EPHA6: variants seen among roughly 807,000 people sequenced by gnomAD.
The protein encoded by EPHA6 is ephrin type-A receptor 6.
EPHA6 carries 50 observed loss-of-function variants against 112.0 expected under a neutral mutation model. That is an observed-to-expected ratio of 0.45 (90% CI 0.36 to 0.56). EPHA6 has a LOEUF of 0.56. Among genes scored for constraint, EPHA6 ranks in the 20% least tolerant of loss-of-function variants. The probability of loss-of-function intolerance (pLI) is 0.00; values close to 1 mark genes in which losing one functional copy is unlikely to be tolerated. For synonymous variants in EPHA6, 529 were observed against 490.7 expected, an observed-to-expected ratio of 1.08 and a Z score of -1.03; for missense variants, 1,280 against 1,417.4, an observed-to-expected ratio of 0.90 and a Z score of 1.56.
intron 8 of EPHA6, among the ~76,000 whole-genome samples, chr3:97,478,331 C>T (rs1210448582): frequency 6.6e-6 from 1 of 151,994 alleles, no homozygotes; most frequent in East Asian, 1.9e-4. Context: ...ATGACAAACA[C>T]AAAAGAAAAC....
chr3:96,889,167 G>A (rs2037809933), intron 2 of EPHA6, among the ~76,000 whole-genome samples: 1 of 152,056 alleles, frequency 6.6e-6, no homozygotes, highest in South Asian at 2.1e-4. Flanking sequence ...TCAACATTTT[G>A]GACAAAGCCT....
At chr3:97,184,796 G>A (rs574187192) in intron 3 of EPHA6, among the ~76,000 whole-genome samples, 7 of 152,062 alleles carry the variant, frequency 4.6e-5, no homozygotes, top group African/African-American at 7.2e-5. Flanking sequence ...GAGGCATCAC[G>A]CTACCTGACT....
At chr3:97,018,844 C>T (rs1211432767) in intron 3 of EPHA6, among the ~76,000 whole-genome samples, 3 of 152,094 alleles carry the variant, frequency 2.0e-5, no homozygotes, top group Non-Finnish European at 4.4e-5. Context: ...TGCTAAGTAG[C>T]GGGTGTTTTT....
intron 5 of EPHA6, among the ~76,000 whole-genome samples, chr3:97,376,110 C>T (rs1454218751): frequency 6.6e-6 from 1 of 152,096 alleles, no homozygotes; most frequent in Non-Finnish European, 1.5e-5. Context: ...CAAAATTATA[C>T]TTATATTCCA....
intron 5 of EPHA6, among the ~76,000 whole-genome samples, chr3:97,260,251 G>C (rs2079457771): frequency 6.6e-6 from 1 of 152,218 alleles, no homozygotes; most frequent in South Asian, 2.1e-4. Flanking sequence ...TGCCCTAACA[G>C]AGTGTGGAGC....
chr3:97,071,018 A>T (rs1014293297), intron 3 of EPHA6, among the ~76,000 whole-genome samples: 1 of 152,118 alleles, frequency 6.6e-6, no homozygotes, highest in African/African-American at 2.4e-5. Context: ...CATTTTCCCC[A>T]AAGTATCCCA....
intron 10 of EPHA6, among the ~76,000 whole-genome samples, chr3:97,495,882 C>G (rs1465349861): frequency 6.6e-6 from 1 of 152,132 alleles, no homozygotes; most frequent in African/African-American, 2.4e-5. Flanking sequence ...AACTGCCACT[C>G]TGAAGTTTAA....
intron 16 of EPHA6, chr3:97,745,617 A>C: frequency 5.4e-6 from 1 of 183,746 alleles, no homozygotes; most frequent in South Asian, 8.9e-5. Context: ...ATACAACCCC[A>C]CCCTGTAATC....
Position 97,448,554 on chromosome 3 carries a change from T to C in EPHA6, c.1732-14T>C, listed in dbSNP as rs776290115. On this transcript the variant is annotated splice_polypyrimidine_tract_variant and intron_variant, in intron 6 of 17. Coordinates refer to ENST00000389672, the MANE Select transcript of EPHA6 (RefSeq NM_001080448.3). Reference sequence around the variant, plus strand: ...TCTGTTTCATTTCCTTTCTCCTTTTTTTCTGTCCCCCAGGAACATGAGCAG... The same window carrying C: ...TCTGTTTCATTTCCTTTCTCCTTTTCTTCTGTCCCCCAGGAACATGAGCAG... 2.5e-6 allele frequency: 4 copies of C among 1,612,396 alleles called. No individual in the cohort carries two copies. Among genetic ancestry groups the C allele is most frequent in the South Asian group, 1.1e-5 (1 of 90,952 alleles).
At chr3:97,296,686 G>A (rs531893631) in intron 5 of EPHA6, among the ~76,000 whole-genome samples, 1 of 152,220 alleles carries the variant, frequency 6.6e-6, no homozygotes, top group African/African-American at 2.4e-5. Flanking sequence ...GTGTACCATG[G>A]CCCTGTTGTG....
chr3:97,498,011 A>C (rs1410212422), intron 10 of EPHA6, among the ~76,000 whole-genome samples: 1 of 152,034 alleles, frequency 6.6e-6, no homozygotes, highest in Non-Finnish European at 1.5e-5. Flanking sequence ...GACTGAGGTT[A>C]AAACAAACAA....
rs2107936319 is a variant in EPHA6, at chr3:97,757,045, T to C, written c.*8344T>C. Among the ~76,000 whole-genome samples the C allele has an allele frequency of 6.6e-6, 1 of 151,984 alleles. No homozygotes were observed. Among genetic ancestry groups the C allele is most frequent in the Admixed American group, 6.5e-5 (1 of 15,270 alleles). ...AATGTTAATTATGGTATACGTGCTA[T>C]AGTAACCTCATTTTTTAAAAAAATC... On this transcript the variant is annotated 3_prime_UTR_variant, in exon 18 of 18. Coordinates refer to ENST00000389672, the MANE Select transcript of EPHA6 (RefSeq NM_001080448.3).
intron 14 of EPHA6, among the ~76,000 whole-genome samples, chr3:97,683,700 T>TCC (rs1021913294): frequency 6.6e-6 from 1 of 152,112 alleles, no homozygotes; most frequent in Non-Finnish European, 1.5e-5. Context: ...ATTCGGCTGC[T>TCC]CACCAACCCC....
chr3:97,324,425 CTT>C (rs1553746307), intron 5 of EPHA6, among the ~76,000 whole-genome samples: 1 of 143,308 alleles, frequency 7.0e-6, no homozygotes, highest in African/African-American at 2.7e-5. Flanking sequence ...TTCTTTCTTT[CTT>C]TCTTTCTTTC....
chr3:97,219,326 C>T (rs2078124341), intron 3 of EPHA6, among the ~76,000 whole-genome samples: 1 of 152,130 alleles, frequency 6.6e-6, no homozygotes, highest in Non-Finnish European at 1.5e-5. Context: ...TAGAGGTTCT[C>T]CATGAGGGCT....
At chr3:97,579,869 A>G (rs1282915207) in intron 11 of EPHA6, among the ~76,000 whole-genome samples, 2 of 152,306 alleles carry the variant, frequency 1.3e-5, no homozygotes, top group Non-Finnish European at 2.9e-5. Flanking sequence ...TAAAAATATC[A>G]ATAAACAAGC....
intron 7 of EPHA6, among the ~76,000 whole-genome samples, chr3:97,461,177 G>GA (rs1164913160): frequency 6.6e-6 from 1 of 152,092 alleles, no homozygotes; most frequent in African/African-American, 2.4e-5. Flanking sequence ...TATACAAGCA[G>GA]AAAGAAGAAA....
At chr3:97,468,867 A>G (rs2091141604) in intron 7 of EPHA6, among the ~76,000 whole-genome samples, 1 of 151,694 alleles carries the variant, frequency 6.6e-6, no homozygotes, top group Non-Finnish European at 1.5e-5. Flanking sequence ...GTTATATAGA[A>G]AGTTGAAACA....
intron 10 of EPHA6, among the ~76,000 whole-genome samples, chr3:97,498,733 C>T (rs754463156): frequency 6.6e-6 from 1 of 152,144 alleles, no homozygotes; most frequent in African/African-American, 2.4e-5. Context: ...ACATTAGACT[C>T]TCATAGGAGA....
Sources: allele counts gnomAD v4.1 joint callset (sites outside exome capture counted in the v4.1 genomes callset), GRCh38; gene constraint gnomAD v4.1.1; transcripts MANE v1.5; gene names NCBI Gene and HGNC (gene_info 2026-07-23, HGNC 2026-07-21).